SLIT3: variants seen among roughly 807,000 people sequenced by gnomAD.
The protein encoded by SLIT3 is slit homolog 3 protein.
A neutral mutation model predicts 184.0 loss-of-function variants in SLIT3; 68 were observed. The ratio of observed to expected loss-of-function variants is 0.37; its 90% confidence interval spans 0.30 to 0.45. The LOEUF (loss-of-function observed/expected upper bound fraction) is 0.45, where lower values mean the gene tolerates loss of function less well. Among genes scored for constraint, SLIT3 ranks in the 20% least tolerant of loss-of-function variants. The probability of loss-of-function intolerance (pLI) is 1.00; values close to 1 mark genes in which losing one functional copy is unlikely to be tolerated. For synonymous variants in SLIT3, 831 were observed against 828.6 expected (o/e 1.00, Z -0.05); for missense variants, 1,707 against 2,026.0 (o/e 0.84, Z 3.02).
intron 4 of SLIT3, among the ~76,000 whole-genome samples, chr5:168,980,146 T>C (rs960741569): frequency 2.0e-5 from 3 of 152,102 alleles, no homozygotes; most frequent in African/African-American, 7.2e-5. Flanking sequence ...AGTAACCATT[T>C]GTTTGTGGAA....
At chr5:169,035,052 G>A (rs139070199) in intron 4 of SLIT3, among the ~76,000 whole-genome samples, 2,562 of 151,942 alleles carry the variant, frequency 0.017, 66 homozygotes, top group African/African-American at 0.057. Context: ...AAAGTGCTGG[G>A]ATTACAGGTG....
chr5:168,952,181 G>A (rs1381245989), intron 4 of SLIT3, among the ~76,000 whole-genome samples: 1 of 152,202 alleles, frequency 6.6e-6, no homozygotes, highest in Non-Finnish European at 1.5e-5. Flanking sequence ...TAAAAGTGGT[G>A]TTGGAAAACC....
At chr5:168,806,178 G>A (rs1464184274) in intron 9 of SLIT3, among the ~76,000 whole-genome samples, 1 of 152,226 alleles carries the variant, frequency 6.6e-6, no homozygotes, top group African/African-American at 2.4e-5. Context: ...AAATGGATGT[G>A]GAGGTATTCA....
Position 168,756,576 on chromosome 5 carries a change from C to G in SLIT3, c.1686-2569G>C, listed in dbSNP as rs184681344. Among the ~76,000 whole-genome samples the G allele has an allele frequency of 2.5e-3, 377 of 152,342 alleles. 1 individual carries two copies. The highest frequency in any genetic ancestry group is 8.6e-3 in the African/African-American group (359 of 41,580). ...AGCAGACTCGCAGACTGGATTTCCA[C>G]TCCCTGCCTGGTTCTCCTTAAACTT... is the stretch of plus-strand genomic sequence containing the variant. On this transcript the variant is annotated intron_variant, in intron 16 of 35. Coordinates refer to ENST00000519560, the MANE Select transcript of SLIT3 (RefSeq NM_003062.4).
At chr5:169,020,151 AATATTTTACTATCT>A (rs1756544143) in intron 4 of SLIT3, among the ~76,000 whole-genome samples, 1 of 152,216 alleles carries the variant, frequency 6.6e-6, no homozygotes, top group South Asian at 2.1e-4. Flanking sequence ...CAAAGCCTAA[AATATTTTACTATCT>A]GGCCTTTTAC....
At chr5:169,002,226 G>A (rs1282096602) in intron 4 of SLIT3, among the ~76,000 whole-genome samples, 1 of 143,880 alleles carries the variant, frequency 7.0e-6, no homozygotes, top group African/African-American at 2.6e-5. Context: ...GGGAGGCTAA[G>A]GCAGAAGAAT....
intron 9 of SLIT3, among the ~76,000 whole-genome samples, chr5:168,805,282 A>AT (rs1440723701): frequency 1.3e-5 from 2 of 152,006 alleles, no homozygotes; most frequent in South Asian, 2.1e-4. Flanking sequence ...ATTGGAATGC[A>AT]TTGGGAACAG....
At chr5:168,859,324 A>G (rs1168967096) in intron 5 of SLIT3, among the ~76,000 whole-genome samples, 1 of 152,240 alleles carries the variant, frequency 6.6e-6, no homozygotes, top group Non-Finnish European at 1.5e-5. Flanking sequence ...TGGCTGTCAT[A>G]AAGATGATGT....
At chr5:168,917,082 T>C (rs987131595) in intron 4 of SLIT3, among the ~76,000 whole-genome samples, 3 of 152,202 alleles carry the variant, frequency 2.0e-5, no homozygotes, top group Non-Finnish European at 4.4e-5. Context: ...GATTGCTAAA[T>C]AGGAGTTTTT....
At chr5:169,059,139 A>G (rs527406505) in intron 4 of SLIT3, among the ~76,000 whole-genome samples, 1 of 152,260 alleles carries the variant, frequency 6.6e-6, no homozygotes, top group East Asian at 1.9e-4. Context: ...GCATCCTTTG[A>G]CTTCTTGGTA....
intron 16 of SLIT3, among the ~76,000 whole-genome samples, chr5:168,758,368 A>G (rs1357320272): frequency 6.6e-6 from 1 of 152,238 alleles, no homozygotes; most frequent in Admixed American, 6.5e-5. Context: ...AGACTAGCAG[A>G]TCCTGTTCAG....
chr5:169,278,590 C>A (rs1039004235), intron 1 of SLIT3, among the ~76,000 whole-genome samples: 1 of 152,140 alleles, frequency 6.6e-6, no homozygotes, highest in South Asian at 2.1e-4. Context: ...AGTATTAATG[C>A]GCAGGCCCAA....
At chr5:168,793,367 G>A (rs1336513290) in intron 10 of SLIT3, among the ~76,000 whole-genome samples, 2 of 152,048 alleles carry the variant, frequency 1.3e-5, no homozygotes, top group African/African-American at 4.8e-5. Flanking sequence ...AAAAATTAGG[G>A]TTTTGAAATC....
intron 16 of SLIT3, 89 bp from the exon 17 acceptor site, chr5:168,754,096 G>T: frequency 7.1e-7 from 1 of 1,407,024 alleles, no homozygotes; most frequent in South Asian, 1.4e-5. Flanking sequence ...AGCTGCTGGG[G>T]ACTCTCTGGG....
chr5:169,300,842 G>T lies in SLIT3; in HGVS notation c.-133C>A. Reference sequence around the variant, plus strand: ...GTTAGCGCGGAGGAGGGGCGAGCTCGGTGCTCAGGCGCACGGGGCGCGGGC... The same window carrying T: ...GTTAGCGCGGAGGAGGGGCGAGCTCTGTGCTCAGGCGCACGGGGCGCGGGC... On this transcript the variant is annotated 5_prime_UTR_variant, in exon 1 of 36. Coordinates refer to ENST00000519560, the MANE Select transcript of SLIT3 (RefSeq NM_003062.4). This position sits in a 1 kb window ranked among gnomAD's most constrained non-coding sequence, Gnocchi z 4.1. 1.1e-6 allele frequency: 1 copy of T among 926,688 alleles called. No individual in the cohort carries two copies. Among genetic ancestry groups the T allele is most frequent in the Non-Finnish European group, 1.4e-6 (1 of 720,516 alleles). 57.4% of individuals were successfully genotyped at this position (926,688 alleles called of 1,614,324 possible). A position where few individuals can be genotyped will look rare whatever the true frequency, so the allele number is the denominator to read the frequency against.
chr5:168,879,293 G>A (rs1450762394), intron 5 of SLIT3, among the ~76,000 whole-genome samples: 1 of 152,084 alleles, frequency 6.6e-6, no homozygotes, highest in Non-Finnish European at 1.5e-5. Flanking sequence ...GCTGGGTAGT[G>A]GTTCTCAAAC....
At chr5:168,813,420 G>A (rs1424479318) in intron 8 of SLIT3, among the ~76,000 whole-genome samples, 3 of 151,988 alleles carry the variant, frequency 2.0e-5, no homozygotes, top group Admixed American at 6.5e-5. Context: ...CAGGCCACAA[G>A]CAACCAGACA....
At chr5:169,237,230 C>T (rs1410171262) in intron 3 of SLIT3, among the ~76,000 whole-genome samples, 2 of 152,176 alleles carry the variant, frequency 1.3e-5, no homozygotes, top group African/African-American at 4.8e-5. Context: ...ATACCCCACT[C>T]TCCTACATGA....
intron 5 of SLIT3, among the ~76,000 whole-genome samples, chr5:168,864,146 G>A (rs1313660192): frequency 6.6e-6 from 1 of 152,098 alleles, no homozygotes; most frequent in East Asian, 1.9e-4. Flanking sequence ...GGAGGTCGAG[G>A]CTGCAGTGAG....
Sources: allele counts gnomAD v4.1 joint callset (sites outside exome capture counted in the v4.1 genomes callset), GRCh38; gene constraint gnomAD v4.1.1; non-coding constraint Gnocchi (gnomAD v3.1); transcripts MANE v1.5; gene names NCBI Gene and HGNC (gene_info 2026-07-23, HGNC 2026-07-21).